Variants in FHIT observed in about 807,000 individuals in gnomAD.
The protein encoded by FHIT is fragile histidine triad diadenosine triphosphatase.
Under a neutral mutation model 17.9 loss-of-function variants are expected in FHIT, and 19 were observed. That is an observed-to-expected ratio of 1.06 (90% CI 0.74 to 1.56). The LOEUF is 1.56. FHIT is among the 40% of genes most tolerant of loss of function. FHIT has a pLI of 0.00. For synonymous variants in FHIT, 81 were observed against 69.7 expected (o/e 1.16, Z -0.81); for missense variants, 248 against 189.2 (o/e 1.31, Z -1.82).
At chr3:60,746,138 G>A (rs1553715295) in intron 4 of FHIT, among the ~76,000 whole-genome samples, 1 of 152,200 alleles carries the variant, frequency 6.6e-6, no homozygotes, top group Admixed American at 6.5e-5. Context: ...CTGTTCCACA[G>A]TGACAGCTCC....
chr3:60,371,261 A>T (rs1700315091), intron 5 of FHIT, among the ~76,000 whole-genome samples: 1 of 152,238 alleles, frequency 6.6e-6, no homozygotes, highest in South Asian at 2.1e-4. Context: ...ATGCTTCACC[A>T]TATTTGCAAT....
intron 2 of FHIT, among the ~76,000 whole-genome samples, chr3:61,137,131 T>C (rs9855480): frequency 0.17 from 25,437 of 152,094 alleles, 2,616 homozygotes; most frequent in East Asian, 0.44. Flanking sequence ...TCAAACTCCA[T>C]TGCTTAGCAC....
intron 5 of FHIT, among the ~76,000 whole-genome samples, chr3:60,441,152 T>G (rs1049062035): frequency 1.3e-5 from 2 of 151,736 alleles, no homozygotes; most frequent in Admixed American, 1.3e-4. Context: ...AGAAAAGAAT[T>G]TAAAAAAAAG....
chr3:60,133,063 G>A (rs995934203), intron 5 of FHIT, among the ~76,000 whole-genome samples: 2 of 152,152 alleles, frequency 1.3e-5, no homozygotes, highest in Non-Finnish European at 2.9e-5. Context: ...CCAGGAGACA[G>A]GGATTTAATG....
At chr3:59,846,913 C>G (rs1701742542) in intron 8 of FHIT, among the ~76,000 whole-genome samples, 1 of 152,060 alleles carries the variant, frequency 6.6e-6, no homozygotes, top group South Asian at 2.1e-4. Context: ...GCCTTCTGGC[C>G]TGTAAAGCTT....
chr3:60,947,531 G>C (rs559993732), intron 3 of FHIT, among the ~76,000 whole-genome samples: 1 of 152,246 alleles, frequency 6.6e-6, no homozygotes, highest in Admixed American at 6.5e-5. Context: ...AAAGAAATTT[G>C]TTCTTTGGTA....
chr3:59,989,966 G>A (rs1385310256), intron 7 of FHIT, among the ~76,000 whole-genome samples: 1 of 152,024 alleles, frequency 6.6e-6, no homozygotes, highest in Non-Finnish European at 1.5e-5. Context: ...TCAAGAGACG[G>A]ATGAGAAGAC....
intron 4 of FHIT, among the ~76,000 whole-genome samples, chr3:60,724,319 T>C (rs2041870217): frequency 6.6e-6 from 1 of 152,248 alleles, no homozygotes; most frequent in African/African-American, 2.4e-5. Flanking sequence ...ACTACATTTA[T>C]TTTTATTGCT....
chr3:61,080,336 G>T (rs528769179), intron 2 of FHIT, among the ~76,000 whole-genome samples: 1 of 152,188 alleles, frequency 6.6e-6, no homozygotes, highest in African/African-American at 2.4e-5. Context: ...AGTTTCCTCA[G>T]TAACATCAAA....
intron 5 of FHIT, among the ~76,000 whole-genome samples, chr3:60,166,510 A>T (rs142250276): frequency 6.6e-6 from 1 of 152,278 alleles, no homozygotes; most frequent in East Asian, 1.9e-4. Flanking sequence ...GTACTATCTC[A>T]CTTAATTCTC....
chr3:60,633,766 G>A (rs991153511), intron 4 of FHIT, among the ~76,000 whole-genome samples: 9 of 152,148 alleles, frequency 5.9e-5, no homozygotes, highest in Non-Finnish European at 1.2e-4. Context: ...GGGCAAGCGA[G>A]GAGAAAGCAT....
Position 60,687,544 on chromosome 3 carries a change from T to G in FHIT, c.-18+134375A>C, listed in dbSNP as rs73835811. Among the ~76,000 whole-genome samples the G allele has an allele frequency of 3.1e-3, 469 of 152,256 alleles. 8 individuals are homozygous for G. Among genetic ancestry groups the G allele is most frequent in the African/African-American group, 0.011 (456 of 41,572 alleles). On this transcript the variant is annotated intron_variant, in intron 4 of 9. Coordinates refer to ENST00000492590, the MANE Select transcript of FHIT (RefSeq NM_002012.4). ...GGCAGAACATGGAGGCTGTTAACAC[T>G]TTATATTTCATAATTTAATATGGTT...
intron 4 of FHIT, among the ~76,000 whole-genome samples, chr3:60,684,226 G>T (rs2040812058): frequency 6.6e-6 from 1 of 152,080 alleles, no homozygotes; most frequent in Non-Finnish European, 1.5e-5. Flanking sequence ...TCAGCTTCTG[G>T]TGGTTGGTGG....
chr3:60,337,419 AG>A (rs1197487607), intron 5 of FHIT, among the ~76,000 whole-genome samples: 1 of 152,204 alleles, frequency 6.6e-6, no homozygotes, highest in African/African-American at 2.4e-5. Flanking sequence ...ATTTAAATGA[AG>A]TAATGCCTGA....
chr3:60,419,362 T>C (rs914870731), intron 5 of FHIT, among the ~76,000 whole-genome samples: 2 of 152,204 alleles, frequency 1.3e-5, no homozygotes, highest in African/African-American at 2.4e-5. Context: ...ATGTGCTTGT[T>C]TCCTTAGTCA....
chr3:60,436,885 A>G (rs989614821), intron 5 of FHIT, among the ~76,000 whole-genome samples: 1 of 152,132 alleles, frequency 6.6e-6, no homozygotes, highest in African/African-American at 2.4e-5. Context: ...GAAAAACATT[A>G]TTGGTCTGAG....
At chr3:60,499,430 C>G (rs2034431808) in intron 5 of FHIT, among the ~76,000 whole-genome samples, 1 of 152,242 alleles carries the variant, frequency 6.6e-6, no homozygotes, top group African/African-American at 2.4e-5. Flanking sequence ...CTCGCTCTGT[C>G]GCCCAGGCTG....
chr3:60,566,714 T>G (rs551182820), intron 4 of FHIT, among the ~76,000 whole-genome samples: 2 of 152,032 alleles, frequency 1.3e-5, no homozygotes, highest in Non-Finnish European at 2.9e-5. Flanking sequence ...AAAACCCCAT[T>G]GTCTCAGCCC....
At chr3:60,143,130 T>C (rs889346493) in intron 5 of FHIT, among the ~76,000 whole-genome samples, 2 of 152,162 alleles carry the variant, frequency 1.3e-5, no homozygotes, top group Non-Finnish European at 2.9e-5. Flanking sequence ...GTGATTTTGT[T>C]AGAGGCCGAG....
Sources: allele counts gnomAD v4.1 joint callset (sites outside exome capture counted in the v4.1 genomes callset), GRCh38; gene constraint gnomAD v4.1.1; transcripts MANE v1.5; gene names NCBI Gene and HGNC (gene_info 2026-07-23, HGNC 2026-07-21).